APP: variants seen among roughly 807,000 people sequenced by gnomAD.
The protein encoded by APP is amyloid-beta precursor protein.
APP carries 31 observed loss-of-function variants against 101.4 expected under a neutral mutation model. The observed-to-expected ratio is 0.31, with a 90% confidence interval of 0.23 to 0.41. The LOEUF is 0.41. Ranked by LOEUF, APP falls within the 10% of genes least tolerant of loss-of-function variation. APP has a pLI of 1.00. For missense variants in APP, 839 were observed against 1,003.7 expected, an observed-to-expected ratio of 0.84 and a Z score of 2.22; for synonymous variants, 366 against 364.4, an observed-to-expected ratio of 1.00 and a Z score of -0.05.
intron 6 of APP, among the ~76,000 whole-genome samples, chr21:26,017,751 T>C (rs2044164578): frequency 6.6e-6 from 1 of 152,246 alleles, no homozygotes; most frequent in South Asian, 2.1e-4. Flanking sequence ...CTGATATCTC[T>C]GGTTTCTGAA....
At chr21:25,929,886 A>G (rs910486317) in intron 13 of APP, among the ~76,000 whole-genome samples, 2 of 152,168 alleles carry the variant, frequency 1.3e-5, no homozygotes, top group African/African-American at 4.8e-5. Flanking sequence ...AGATCAATCC[A>G]CAGTGTCCCA....
At chr21:26,086,975 G>C (rs1022372767) in intron 3 of APP, among the ~76,000 whole-genome samples, 1 of 152,186 alleles carries the variant, frequency 6.6e-6, no homozygotes, top group African/African-American at 2.4e-5. Context: ...AGCCTGTGAA[G>C]AGAGACGAAG....
chr21:26,157,150 A>G (rs1316005324), intron 1 of APP, among the ~76,000 whole-genome samples: 2 of 151,682 alleles, frequency 1.3e-5, no homozygotes, highest in East Asian at 3.9e-4. Context: ...GCTCACTGCA[A>G]CCTCCGCCTC....
intron 5 of APP, among the ~76,000 whole-genome samples, chr21:26,036,096 C>T (rs947736887): frequency 1.3e-5 from 2 of 151,982 alleles, no homozygotes; most frequent in African/African-American, 2.4e-5. Context: ...AGTCTACTTA[C>T]AAATGGTATT....
At chr21:25,941,000 C>T (rs2040553324) in intron 13 of APP, among the ~76,000 whole-genome samples, 2 of 152,178 alleles carry the variant, frequency 1.3e-5, no homozygotes, top group South Asian at 4.1e-4. Flanking sequence ...CTGAAATATT[C>T]CCTGGGCATG....
At chr21:26,016,471 TAAA>T (rs1408953316) in intron 6 of APP, among the ~76,000 whole-genome samples, 1 of 152,198 alleles carries the variant, frequency 6.6e-6, no homozygotes, top group South Asian at 2.1e-4. Flanking sequence ...ATAAAGAAAA[TAAA>T]AAGTGTAATT....
intron 17 of APP, among the ~76,000 whole-genome samples, chr21:25,887,964 GGA>G (rs112303372): frequency 6.8e-5 from 9 of 132,288 alleles, no homozygotes; most frequent in East Asian, 4.4e-4. Flanking sequence ...TTTGTTCTCA[GGA>G]GTTTTTTTCC....
chr21:26,054,575 C>T (rs1039464675), intron 3 of APP, among the ~76,000 whole-genome samples: 12 of 144,102 alleles, frequency 8.3e-5, no homozygotes, highest in African/African-American at 2.3e-4. Flanking sequence ...TTTAAAGAGG[C>T]TTAGGTTTTG....
chr21:25,956,661 T>C (rs1157364664), intron 11 of APP, among the ~76,000 whole-genome samples: 3 of 152,194 alleles, frequency 2.0e-5, no homozygotes, highest in South Asian at 2.1e-4. Flanking sequence ...TATTAACCCA[T>C]GTGTCATGAG....
intron 1 of APP, among the ~76,000 whole-genome samples, chr21:26,166,055 C>CT (rs896811002): frequency 5.3e-5 from 8 of 151,944 alleles, no homozygotes; most frequent in South Asian, 2.1e-4. Context: ...ATTTGCCAAA[C>CT]TTTTTTTTCC....
intron 17 of APP, among the ~76,000 whole-genome samples, chr21:25,889,439 CT>C (rs1158213734): frequency 3.9e-5 from 6 of 152,212 alleles, no homozygotes; most frequent in Non-Finnish European, 8.8e-5. Context: ...ATCTGTGTTA[CT>C]TTGTTATGGA....
intron 16 of APP, among the ~76,000 whole-genome samples, chr21:25,895,193 G>A (rs1256625376): frequency 2.1e-5 from 3 of 141,694 alleles, no homozygotes; most frequent in African/African-American, 8.0e-5. Flanking sequence ...TTTTTTTTGA[G>A]ACAGAGTCTT....
At chr21:26,077,668 T>A (rs2061523076) in intron 3 of APP, among the ~76,000 whole-genome samples, 1 of 151,262 alleles carries the variant, frequency 6.6e-6, no homozygotes, top group Non-Finnish European at 1.5e-5. Flanking sequence ...GTTCGTCTCC[T>A]CCAATCTGGA....
chr21:25,884,921 G>T (rs117401942), intron 17 of APP, among the ~76,000 whole-genome samples: 4 of 152,184 alleles, frequency 2.6e-5, no homozygotes, highest in Non-Finnish European at 5.9e-5. Context: ...AAAGCCTAAC[G>T]CTTAAGAGTG....
At chr21:25,969,905 A>AGAGGGGAGGGGAGGGGAGGGTAAGGGAGG (rs796868333) in intron 11 of APP, among the ~76,000 whole-genome samples, 1 of 79,360 alleles carries the variant, frequency 1.3e-5, no homozygotes, top group African/African-American at 5.4e-5. Context: ...AGAGAAGAGA[A>AGAGGGGAGGGGAGGGGAGGGTAAGGGAGG]GAGGGGAGGG....
At chr21:26,129,034 G>A (rs1435280748) in intron 1 of APP, among the ~76,000 whole-genome samples, 2 of 152,154 alleles carry the variant, frequency 1.3e-5, no homozygotes, top group Non-Finnish European at 2.9e-5. Context: ...TACATGACAT[G>A]AAGAATTGAG....
At chr21:26,167,674 G>A (rs1028289862) in intron 1 of APP, among the ~76,000 whole-genome samples, 2 of 152,128 alleles carry the variant, frequency 1.3e-5, no homozygotes, top group African/African-American at 2.4e-5. Flanking sequence ...TGTTGATCAC[G>A]TTATTTCTTT....
chr21:26,166,927 GGTGTGTGTGTGT>G (rs10600074), intron 1 of APP, among the ~76,000 whole-genome samples: 16 of 148,630 alleles, frequency 1.1e-4, no homozygotes, highest in African/African-American at 3.5e-4. Flanking sequence ...AGAGACAGAG[GGTGTGTGTGTGT>G]GTGTGTGTGT....
chr21:26,133,551 C>T (rs1431479578), intron 1 of APP, among the ~76,000 whole-genome samples: 6 of 151,902 alleles, frequency 3.9e-5, no homozygotes, highest in South Asian at 2.1e-4. Flanking sequence ...TTTGGGAGGC[C>T]GAGGCGGGTG....
Sources: allele counts gnomAD v4.1 joint callset (sites outside exome capture counted in the v4.1 genomes callset), GRCh38; gene constraint gnomAD v4.1.1; transcripts MANE v1.5; gene names NCBI Gene and HGNC (gene_info 2026-07-23, HGNC 2026-07-21).